Variants in PTDSS2 observed in about 807,000 individuals in gnomAD.
PTDSS2 encodes phosphatidylserine synthase 2.
In PTDSS2, 41 loss-of-function variants were observed where a neutral mutation model predicts 64.7. The ratio of observed to expected loss-of-function variants is 0.63; its 90% CI spans 0.49 to 0.82. PTDSS2 has a LOEUF of 0.82. Ranked by LOEUF, PTDSS2 falls within the 40% of genes least tolerant of loss-of-function variation. The pLI is 0.00. For synonymous variants in PTDSS2, 297 were observed against 277.8 expected (o/e 1.07, Z -0.69); for missense variants, 485 against 650.0 (o/e 0.75, Z 2.76).
chr11:458,932 T>G (rs904924706), intron 1 of PTDSS2: 1 of 152,282 alleles, frequency 6.6e-6, no homozygotes, highest in Non-Finnish European at 1.5e-5. Flanking sequence ...TCACTTAATT[T>G]TCATGATGTC....
chr11:459,824 C>A (rs985601496), intron 1 of PTDSS2: 1 of 230,852 alleles, frequency 4.3e-6, no homozygotes, highest in Non-Finnish European at 8.7e-6. Flanking sequence ...GAGTTGTTGT[C>A]TCGGCTTGTC....
At chr11:473,854 A>G in intron 2 of PTDSS2, 41 bp from the exon 3 acceptor site, 1 of 1,482,090 alleles carries the variant, frequency 6.7e-7, no homozygotes, top group Non-Finnish European at 9.4e-7. Context: ...TCCTGGGAGA[A>G]GCCTGCACAC....
chr11:486,568 C>T (rs531303931), intron 4 of PTDSS2, among the ~76,000 whole-genome samples: 27 of 152,134 alleles, frequency 1.8e-4, no homozygotes, highest in Non-Finnish European at 3.5e-4. Context: ...CCTGGCCGGG[C>T]GTGGTGGCTC....
rs894347106 is a variant in PTDSS2 at position 479,910 on chromosome 11, C to T, written c.435+758C>T. Reference sequence around the variant, plus strand: ...ATTATTCCCAATCTTAAAACTCCATCAGTGCATGATGAGATTTTTTATCAT... The same window carrying T: ...ATTATTCCCAATCTTAAAACTCCATTAGTGCATGATGAGATTTTTTATCAT... On this transcript the variant is annotated intron_variant, in intron 4 of 11. Coordinates refer to ENST00000308020, the MANE Select transcript of PTDSS2 (RefSeq NM_030783.3). The surrounding 1 kb of genome is among the most constrained non-coding windows in gnomAD (Gnocchi z 4.2). Among the ~76,000 whole-genome samples, 29 of 152,364 alleles carry T rather than the reference C, an allele frequency of 1.9e-4. No individual in the cohort carries two copies. The highest frequency in any genetic ancestry group is 1.4e-3 in the Admixed American group (21 of 15,312).
At chr11:487,270 G>A (rs755618114) in intron 5 of PTDSS2, 150 bp from the exon 6 acceptor site, 38 of 931,434 alleles carry the variant, frequency 4.1e-5, no homozygotes, top group Admixed American at 6.0e-5. Context: ...TGTCGTGGAC[G>A]TGGTCTCCAC....
At chr11:456,167 A>ATTTT (rs1590607987) in intron 1 of PTDSS2, among the ~76,000 whole-genome samples, 4 of 113,448 alleles carry the variant, frequency 3.5e-5, no homozygotes, top group Admixed American at 1.9e-4. Flanking sequence ...GTTTTCTTTC[A>ATTTT]TTCTTTTTTT....
In PTDSS2 at chr11:477,093, G is replaced by A. The variant is rs113944494; in HGVS notation, c.368-1992G>A. Among the ~76,000 whole-genome samples, 521 of 152,342 alleles carry A rather than the reference G, an allele frequency of 3.4e-3. 4 individuals are homozygous for A. Among genetic ancestry groups the A allele is most frequent in the African/African-American group, 0.012 (496 of 41,566 alleles). ...TCTGCCCACCTTCACACTCCCCTGGGTCTGGCCCAGGAATGCCCAGTCCGG... is the reference window on the plus strand; with the variant it reads ...TCTGCCCACCTTCACACTCCCCTGGATCTGGCCCAGGAATGCCCAGTCCGG... On this transcript the variant is annotated intron_variant, in intron 3 of 11. Transcript: ENST00000308020.
rs183096113 is a variant in PTDSS2 at position 490,935 on chromosome 11, A to G, written c.*353A>G. On this transcript the variant is annotated 3_prime_UTR_variant, in exon 12 of 12. Transcript: ENST00000308020. ...CTCTGGGGCAGTGTGTCCCTCAGGA[A>G]CCAGGGTCCTCCCTCCCCTTTCTGC... 1.4e-4 allele frequency: 37 copies of G among 271,422 alleles called. No individual in the cohort carries two copies. Among genetic ancestry groups the G allele is most frequent in the African/African-American group, 7.8e-4 (35 of 45,076 alleles). The allele number at this position is 271,422 out of a possible 1,614,324, so 16.8% of individuals were successfully genotyped here. A position where few individuals can be genotyped will look rare whatever the true frequency, so the allele number is the denominator to read the frequency against.
In PTDSS2 at chr11:490,797, TACGCGTGTGTAC is replaced by T; in HGVS notation, c.*216_*227del. On this transcript the variant is annotated 3_prime_UTR_variant, in exon 12 of 12. Transcript: ENST00000308020. Reference sequence around the variant, plus strand: ...GTGTGTACGTGTGTATGCGTGTGTGTACGCGTGTGTACGCGCGTGTGTACACATGCGTGGCCG... The same window carrying T: ...GTGTGTACGTGTGTATGCGTGTGTGTGCGCGTGTGTACACATGCGTGGCCG... The T allele has an allele frequency of 8.5e-6, 5 of 588,830 alleles. No individual in the cohort carries two copies. The highest frequency in any genetic ancestry group is 1.2e-5 in the Non-Finnish European group (4 of 333,576). The allele number at this position is 588,830 out of a possible 1,614,324, so 36.5% of individuals were successfully genotyped here. A position where few individuals can be genotyped will look rare whatever the true frequency, so the allele number is the denominator to read the frequency against.
At chr11:486,827 G>T in intron 4 of PTDSS2, 112 bp from the exon 5 acceptor site, 1 of 1,385,114 alleles carries the variant, frequency 7.2e-7, no homozygotes, top group East Asian at 2.5e-5. Flanking sequence ...CAGCCTGGGC[G>T]ACAGAGCGAG....
At position 467,801 on chromosome 11, in the gene PTDSS2, G is replaced by A. The variant is rs7925484; in HGVS notation, c.285-6094G>A. 8.0e-3 allele frequency among the ~76,000 whole-genome samples: 1,217 copies of A among 152,246 alleles called. 20 individuals are homozygous for A. Among genetic ancestry groups the A allele is most frequent in the African/African-American group, 0.028 (1,168 of 41,540 alleles). ...CATGCAATCTAGCAGTTTTGCTCCT[G>A]AATATTTATCCAACTGAATTGAAAA... On this transcript the variant is annotated intron_variant, in intron 2 of 11. Coordinates refer to ENST00000308020, the MANE Select transcript of PTDSS2 (RefSeq NM_030783.3).
intron 4 of PTDSS2, among the ~76,000 whole-genome samples, chr11:483,333 A>T (rs996485340): frequency 1.4e-5 from 2 of 141,536 alleles, no homozygotes; most frequent in East Asian, 4.3e-4. Context: ...TTTTTCGTAG[A>T]TCTCCCTACC....
chr11:467,741 T>C (rs532355553), intron 2 of PTDSS2, among the ~76,000 whole-genome samples: 3 of 151,604 alleles, frequency 2.0e-5, no homozygotes, highest in East Asian at 1.9e-4. Flanking sequence ...TCAAAAAATA[T>C]AGATATAGAT....
rs1238883266 is a variant in PTDSS2, at chr11:462,444, A to G, written c.284+2156A>G. On this transcript the variant is annotated intron_variant, in intron 2 of 11. Transcript: ENST00000308020. This position sits in a 1 kb window ranked among gnomAD's most constrained non-coding sequence, Gnocchi z 4.5. ...TCTTCTCTGAGGTTCTGTTCTGGGG[A>G]CACTAAACGCGCTCCCAACTCACAT... Among the ~76,000 whole-genome samples the G allele has an allele frequency of 2.0e-5, 3 of 152,126 alleles. No individual in the cohort carries two copies. The East Asian group carries it at 5.8e-4, about 29-fold the overall frequency.
chr11:475,629 T>G (rs1041086759), intron 3 of PTDSS2, among the ~76,000 whole-genome samples: 2 of 152,220 alleles, frequency 1.3e-5, no homozygotes, highest in African/African-American at 4.8e-5. Context: ...ACACGTGGCT[T>G]TGTGCATTCT....
intron 1 of PTDSS2, among the ~76,000 whole-genome samples, chr11:455,171 TCTA>T (rs1564958969): frequency 1.3e-5 from 2 of 152,286 alleles, no homozygotes; most frequent in African/African-American, 2.4e-5. Flanking sequence ...CTCACGTTGA[TCTA>T]GCTTCTGGGT....
intron 6 of PTDSS2, among the ~76,000 whole-genome samples, 193 bp from the exon 7 acceptor site, chr11:488,000 CCGTGGG>C (rs1564996254): frequency 5.1e-4 from 77 of 149,748 alleles, no homozygotes; most frequent in African/African-American, 1.8e-3. Flanking sequence ...CTGCACGCAC[CCGTGGG>C]CAGGGCCGGG....
intron 2 of PTDSS2, among the ~76,000 whole-genome samples, chr11:467,005 A>G (rs1196451184): frequency 6.6e-6 from 1 of 151,998 alleles, no homozygotes; most frequent in Non-Finnish European, 1.5e-5. Flanking sequence ...CAGTGAGCCA[A>G]GATCACACCA....
At chr11:452,750 C>T (rs1469058730) in intron 1 of PTDSS2, among the ~76,000 whole-genome samples, 1 of 152,168 alleles carries the variant, frequency 6.6e-6, no homozygotes, top group East Asian at 1.9e-4. Context: ...TGGCAGGTAA[C>T]TCAATGCCTG....
Sources: gnomAD v4.1 joint callset for allele counts (sites outside exome capture counted in the v4.1 genomes callset) on GRCh38, gnomAD v4.1.1 for gene constraint, Gnocchi (gnomAD v3.1) non-coding constraint, MANE v1.5 for transcripts, NCBI Gene and HGNC (gene_info 2026-07-23, HGNC 2026-07-21) for gene names.